The following WDR41 variants were observed in gnomAD, a reference collection of about 807,000 sequenced individuals.
WDR41 encodes WD repeat domain 41, also known as WD repeat-containing protein 41.
Under a neutral mutation model 69.3 loss-of-function variants are expected in WDR41, and 63 were observed. That is an observed-to-expected ratio of 0.91 (90% CI 0.74 to 1.12). WDR41 has a LOEUF of 1.12. Ranked by LOEUF, WDR41 falls within the 50% of genes most tolerant of loss-of-function variation. WDR41 has a pLI of 0.00. For missense variants in WDR41, 543 were observed against 534.5 expected (o/e 1.02, Z -0.16); for synonymous variants, 185 against 192.1 (o/e 0.96, Z 0.31).
intron 5 of WDR41, among the ~76,000 whole-genome samples, chr5:77,456,119 T>C (rs1223372779): frequency 1.3e-5 from 2 of 152,284 alleles, no homozygotes; most frequent in Middle Eastern, 3.4e-3. Flanking sequence ...TTTATATAGA[T>C]CTTTAATATC....
intron 6 of WDR41, chr5:77,451,687 A>C (rs1453835556): frequency 5.1e-6 from 1 of 195,922 alleles, no homozygotes; most frequent in Non-Finnish European, 1.0e-5. Context: ...ACCCATTTAC[A>C]AGATGGCTAG....
chr5:77,604,735 C>T (rs945336001), intron 1 of WDR41, among the ~76,000 whole-genome samples: 2 of 152,038 alleles, frequency 1.3e-5, no homozygotes, highest in Non-Finnish European at 2.9e-5. Flanking sequence ...CCAAAACCGA[C>T]CTAAATGATC....
rs1448562339 is a variant in WDR41, at chr5:77,447,375, G to C, written c.697+2385C>G. 2.0e-5 allele frequency among the ~76,000 whole-genome samples: 3 copies of C among 152,280 alleles called. No homozygotes were observed. In the East Asian group the frequency reaches 5.8e-4, roughly 29 times the overall value. ...AGTATGGCGATTCCTCAAGGATCTA[G>C]AACCAGAAATACCATTTGACCCAGC... On this transcript the variant is annotated intron_variant, in intron 8 of 12. Coordinates refer to ENST00000296679, the MANE Select transcript of WDR41 (RefSeq NM_018268.4).
intron 2 of WDR41, among the ~76,000 whole-genome samples, chr5:77,479,424 AC>A (rs1801120574): frequency 6.6e-6 from 1 of 152,132 alleles, no homozygotes; most frequent in South Asian, 2.1e-4. Flanking sequence ...TTCAAACTAT[AC>A]TACAAGGCTA....
intron 1 of WDR41, among the ~76,000 whole-genome samples, chr5:77,567,765 A>G (rs79493336): frequency 0.022 from 3,345 of 151,754 alleles, 43 homozygotes; most frequent in African/African-American, 0.032. Context: ...TTCTCTAGAG[A>G]GTCTGACTTA....
chr5:77,476,875 T>C (rs1800960506), intron 2 of WDR41, among the ~76,000 whole-genome samples: 2 of 143,986 alleles, frequency 1.4e-5, no homozygotes, highest in Admixed American at 1.4e-4. Context: ...AGACACAGAC[T>C]GGCAAATTGG....
At chr5:77,514,325 T>G (rs772813671) in intron 1 of WDR41, among the ~76,000 whole-genome samples, 14 of 152,216 alleles carry the variant, frequency 9.2e-5, no homozygotes, top group Admixed American at 3.3e-4. Flanking sequence ...CATATCTATT[T>G]TTCTCATTAA....
chr5:77,587,142 C>A (rs1053629197), intron 1 of WDR41, among the ~76,000 whole-genome samples: 1 of 150,926 alleles, frequency 6.6e-6, no homozygotes, highest in Non-Finnish European at 1.5e-5. Context: ...CCAAACGTAA[C>A]CCTATTCTAA....
chr5:77,437,578 G>A (rs1798992479), intron 10 of WDR41, among the ~76,000 whole-genome samples, 154 bp from the exon 11 acceptor site: 2 of 152,120 alleles, frequency 1.3e-5, no homozygotes, highest in South Asian at 2.1e-4. Context: ...ACGTTACAAC[G>A]CAAACTAAAA....
In WDR41 at chr5:77,562,010, G is replaced by A. The variant is rs544509239; in HGVS notation, c.42+58469C>T. On this transcript the variant is annotated intron_variant, in intron 1 of 5. Coordinates refer to the WDR41 transcript ENST00000509971. Reference sequence around the variant, plus strand: ...GTCAGTTCCCAGTTTCACTGCTATGGATTACTCTAACATGAAATGTTTGTC... The same window carrying A: ...GTCAGTTCCCAGTTTCACTGCTATGAATTACTCTAACATGAAATGTTTGTC... Among the ~76,000 whole-genome samples, 12 of 152,194 alleles carry A rather than the reference G, an allele frequency of 7.9e-5. No individual in the cohort carries two copies. The South Asian group carries it at 2.5e-3, about 32-fold the overall frequency.
At chr5:77,487,144 A>C (rs1020035092) in intron 2 of WDR41, among the ~76,000 whole-genome samples, 12 of 152,222 alleles carry the variant, frequency 7.9e-5, no homozygotes, top group African/African-American at 2.9e-4. Context: ...TCTCTTAACA[A>C]TTTATACAAA....
intron 1 of WDR41, among the ~76,000 whole-genome samples, chr5:77,524,073 A>G (rs1462153756): frequency 6.6e-6 from 1 of 152,220 alleles, no homozygotes; most frequent in Non-Finnish European, 1.5e-5. Flanking sequence ...AGTCTAAAAC[A>G]ACAGTGTTCA....
At chr5:77,448,420 TA>T in intron 8 of WDR41, among the ~76,000 whole-genome samples, 1 of 152,212 alleles carries the variant, frequency 6.6e-6, no homozygotes, top group Non-Finnish European at 1.5e-5. Context: ...AGTTTTACAA[TA>T]AGATGGCTAT....
At chr5:77,447,257 G>T (rs1799421450) in intron 8 of WDR41, among the ~76,000 whole-genome samples, 1 of 152,150 alleles carries the variant, frequency 6.6e-6, no homozygotes, top group Non-Finnish European at 1.5e-5. Context: ...AAAAAGTCAG[G>T]AAACCATAGA....
intron 4 of WDR41, among the ~76,000 whole-genome samples, chr5:77,459,948 T>A (rs1046584727): frequency 6.6e-6 from 1 of 152,134 alleles, no homozygotes; most frequent in Non-Finnish European, 1.5e-5. Context: ...CTATCAAACA[T>A]CATAGCTTAG....
chr5:77,561,525 A>C (rs751026083), intron 1 of WDR41, among the ~76,000 whole-genome samples: 3 of 152,152 alleles, frequency 2.0e-5, no homozygotes, highest in Non-Finnish European at 4.4e-5. Flanking sequence ...TATTATTAGA[A>C]ATCTTCATTG....
At chr5:77,479,986 A>G (rs1367962537) in intron 2 of WDR41, 6 of 151,218 alleles carry the variant, frequency 4.0e-5, no homozygotes, top group Admixed American at 6.6e-5. Context: ...AGAAAAAAAC[A>G]AACAACCACA....
At chr5:77,464,279 T>TC (rs1479174684) in intron 3 of WDR41, among the ~76,000 whole-genome samples, 1 of 113,002 alleles carries the variant, frequency 8.8e-6, no homozygotes, top group Non-Finnish European at 1.8e-5. Flanking sequence ...AAAAACTTTT[T>TC]TTTTTTTTTT....
At chr5:77,563,722 T>G (rs928103460) in intron 1 of WDR41, among the ~76,000 whole-genome samples, 2 of 152,198 alleles carry the variant, frequency 1.3e-5, no homozygotes, top group Non-Finnish European at 2.9e-5. Context: ...ATGGTACTTC[T>G]TGGATGGGGA....
Sources: gnomAD v4.1 joint callset for allele counts (sites outside exome capture counted in the v4.1 genomes callset) on GRCh38, gnomAD v4.1.1 for gene constraint, MANE v1.5 for transcripts, NCBI Gene and HGNC (gene_info 2026-07-23, HGNC 2026-07-21) for gene names.